Variants in MYO3A observed in about 807,000 individuals in gnomAD.
The protein encoded by MYO3A is myosin-IIIa.
A neutral mutation model predicts 192.7 loss-of-function variants in MYO3A; 180 were observed. That is an observed-to-expected ratio of 0.93 (90% CI 0.83 to 1.06). The LOEUF (loss-of-function observed/expected upper bound fraction) is 1.06, where lower values mean the gene tolerates loss of function less well. Ranked by LOEUF, MYO3A falls within the 50% of genes least tolerant of loss-of-function variation. The pLI is 0.00. For synonymous variants in MYO3A, 628 were observed against 645.3 expected (o/e 0.97, Z 0.41); for missense variants, 1,896 against 1,905.0 (o/e 1.00, Z 0.09).
In MYO3A at chr10:26,026,390, G is replaced by T; in HGVS notation, c.811G>T (p.Asp271Tyr). ...TTGCCAGTGCAGGTGCTTGACTAAA[G>T]ATTATGAAAAGCGTCCAACAGTGTC... ...NDFISKCLTK[D>Y]YEKRPTVSEL... is the part of the protein sequence containing the mutation. Residue 271 changes from aspartate (D) to tyrosine (Y), a missense_variant, in exon 10 of 35, where the codon GAT becomes TAT. Transcript: ENST00000642920. The T allele has an allele frequency of 6.2e-7, 1 of 1,614,108 alleles. No homozygotes were observed. Among genetic ancestry groups the T allele is most frequent in the Non-Finnish European group, 8.5e-7 (1 of 1,179,998 alleles).
chr10:26,184,943 T>C (rs554443104), intron 31 of MYO3A, among the ~76,000 whole-genome samples: 120 of 152,322 alleles, frequency 7.9e-4, no homozygotes, highest in African/African-American at 2.8e-3. Flanking sequence ...CACAGATCCA[T>C]TAGAGGCCAA....
intron 31 of MYO3A, among the ~76,000 whole-genome samples, chr10:26,184,122 G>C (rs147604048): frequency 9.7e-4 from 147 of 152,314 alleles, no homozygotes; most frequent in African/African-American, 3.3e-3. Context: ...AAGGCAGAGA[G>C]GACTCCTTTG....
chr10:26,151,073 G>GA (rs1272879650), intron 23 of MYO3A, among the ~76,000 whole-genome samples: 1 of 152,068 alleles, frequency 6.6e-6, no homozygotes, highest in African/African-American at 2.4e-5. Flanking sequence ...ACTTTATTGA[G>GA]ATATGTTTTA....
At chr10:26,012,940 G>T (rs886818097) in intron 6 of MYO3A, among the ~76,000 whole-genome samples, 3 of 152,058 alleles carry the variant, frequency 2.0e-5, no homozygotes, top group Non-Finnish European at 4.4e-5. Context: ...TAGACCAATG[G>T]AACAGAATAG....
In MYO3A at chr10:26,174,439, A is replaced by G; in HGVS notation, c.4175A>G (p.Asn1392Ser). ...TPTEVARNTH[N>S]LYSYPTKHEE... ...ACAGAAGTAGCAAGAAACACTCATA[A>G]TTTGTATTCCTATCCCACAAAACAT... The change falls in exon 30 of 35, where the codon AAT (asparagine) becomes AGT (serine). Residue 1392 changes from asparagine (N) to serine (S), a missense_variant. Asn to Ser is a conservative substitution (Grantham distance 46). Transcript: ENST00000642920. 3 of 1,614,232 alleles carry G rather than the reference A, an allele frequency of 1.9e-6. No individual in the cohort carries two copies. Among genetic ancestry groups the G allele is most frequent in the Non-Finnish European group, 1.7e-6 (2 of 1,180,040 alleles).
chr10:26,134,475 TG>T (rs1468415211), intron 20 of MYO3A, among the ~76,000 whole-genome samples: 2 of 55,234 alleles, frequency 3.6e-5, no homozygotes, highest in African/African-American at 1.2e-4. Flanking sequence ...GTATTATCAC[TG>T]TTTTTTAGAA....
At chr10:26,025,482 C>T (rs1842498947) in intron 9 of MYO3A, among the ~76,000 whole-genome samples, 2 of 152,024 alleles carry the variant, frequency 1.3e-5, no homozygotes, top group Admixed American at 1.3e-4. Context: ...AGTGGCTGTC[C>T]AATCTATACT....
chr10:26,172,270 G>A (rs1842087221), intron 29 of MYO3A, among the ~76,000 whole-genome samples: 1 of 152,218 alleles, frequency 6.6e-6, no homozygotes. Context: ...TTCCCTGTCA[G>A]AGCCCCTGAA....
intron 6 of MYO3A, among the ~76,000 whole-genome samples, chr10:25,999,338 C>CTT (rs1840638779): frequency 6.6e-6 from 1 of 152,120 alleles, no homozygotes; most frequent in African/African-American, 2.4e-5. Flanking sequence ...TTCCTAGTAT[C>CTT]TGACACCAAA....
intron 10 of MYO3A, among the ~76,000 whole-genome samples, chr10:26,046,059 A>G (rs954680393): frequency 6.6e-6 from 1 of 152,148 alleles, no homozygotes; most frequent in African/African-American, 2.4e-5. Context: ...AATATTCTTT[A>G]TAATAAACCA....
chr10:26,043,104 C>G (rs188594855), intron 10 of MYO3A, among the ~76,000 whole-genome samples: 2 of 151,770 alleles, frequency 1.3e-5, no homozygotes, highest in African/African-American at 2.4e-5. Context: ...CCTGGATTGC[C>G]AAGCAGAGAC....
intron 4 of MYO3A, among the ~76,000 whole-genome samples, chr10:25,988,999 G>A (rs1839842500): frequency 6.9e-6 from 1 of 144,030 alleles, no homozygotes; most frequent in Non-Finnish European, 1.5e-5. Flanking sequence ...CTGTCGCCTA[G>A]GCTGGGGTGC....
At chr10:26,080,171 T>C (rs1835828980) in intron 14 of MYO3A, among the ~76,000 whole-genome samples, 1 of 152,192 alleles carries the variant, frequency 6.6e-6, no homozygotes, top group African/African-American at 2.4e-5. Flanking sequence ...TATTCTTAGA[T>C]TTGGTTGTTT....
intron 10 of MYO3A, among the ~76,000 whole-genome samples, chr10:26,053,261 T>G (rs1844114874): frequency 6.6e-6 from 1 of 152,236 alleles, no homozygotes; most frequent in Non-Finnish European, 1.5e-5. Context: ...GAATATTTAA[T>G]TTGTTTATAA....
At chr10:25,997,429 G>A (rs1216536480) in intron 6 of MYO3A, among the ~76,000 whole-genome samples, 171 bp downstream of exon 6, 1 of 152,216 alleles carries the variant, frequency 6.6e-6, no homozygotes, top group Non-Finnish European at 1.5e-5. Context: ...GAGATTCCCA[G>A]AAGAAAGGGT....
intron 14 of MYO3A, among the ~76,000 whole-genome samples, chr10:26,079,406 T>A (rs1835784630): frequency 6.6e-6 from 1 of 152,132 alleles, no homozygotes; most frequent in Admixed American, 6.5e-5. Flanking sequence ...GTTAGATGAG[T>A]CCCCTGAATG....
At chr10:26,205,679 C>T (rs1348116988) in intron 34 of MYO3A, among the ~76,000 whole-genome samples, 2 of 136,172 alleles carry the variant, frequency 1.5e-5, no homozygotes, top group Non-Finnish European at 3.0e-5. Context: ...TGCAGTGGCA[C>T]GATCTCGGCT....
At chr10:26,090,754 A>G (rs1385400261) in intron 15 of MYO3A, among the ~76,000 whole-genome samples, 2 of 152,260 alleles carry the variant, frequency 1.3e-5, no homozygotes, top group Non-Finnish European at 2.9e-5. Flanking sequence ...CTGAACAGAA[A>G]GAACAAGCTC....
Position 26,088,224 on chromosome 10 carries a change from GAGA to G in MYO3A, c.1385_1387del (p.Lys462del), listed in dbSNP as rs1336424314. The G allele has an allele frequency of 1.2e-6, 2 of 1,611,066 alleles. No homozygotes were observed. The highest frequency in any genetic ancestry group is 1.7e-6 in the Non-Finnish European group (2 of 1,178,618). ...TTAGGCTAATAACAGAACCTTGCAAGAGAAGATTTTACAAGTGAACAATTTGGT... is the reference window on the plus strand; with the variant it reads ...TTAGGCTAATAACAGAACCTTGCAAGAGATTTTACAAGTGAACAATTTGGT... On this transcript the variant is annotated inframe_deletion, in exon 15 of 35. Transcript: ENST00000642920.
Sources: allele counts gnomAD v4.1 joint callset (sites outside exome capture counted in the v4.1 genomes callset), GRCh38; gene constraint gnomAD v4.1.1; transcripts MANE v1.5; gene names NCBI Gene and HGNC (gene_info 2026-07-23, HGNC 2026-07-21).